ACAP1: variants seen among roughly 807,000 people sequenced by gnomAD.
ACAP1 encodes the protein arf-GAP with coiled-coil, ANK repeat and PH domain-containing protein 1.
In ACAP1, 45 loss-of-function variants were observed where a neutral mutation model predicts 98.8. That is an observed-to-expected ratio of 0.46 (90% CI 0.36 to 0.58). The LOEUF (loss-of-function observed/expected upper bound fraction) is 0.58. Ranked by LOEUF, ACAP1 falls within the 20% of genes least tolerant of loss-of-function variation. ACAP1 has a pLI of 0.00. For missense variants in ACAP1, 735 were observed against 971.4 expected (o/e 0.76, Z 3.24); for synonymous variants, 362 against 375.3 (o/e 0.96, Z 0.41).
Position 7,343,335 on chromosome 17 carries a change from A to T in ACAP1, c.345-44A>T. ...TACCCTGGGAATGCTCTGCTGGGGC[A>T]GGTGGGTGTTAGCTGCGATTCTGTG... On this transcript the variant is annotated intron_variant, in intron 5 of 21. Transcript: ENST00000158762. This position sits in a 1 kb window ranked among gnomAD's most constrained non-coding sequence, Gnocchi z 4.9. 6 of 1,570,612 alleles carry T rather than the reference A, an allele frequency of 3.8e-6. No homozygotes were observed. The highest frequency in any genetic ancestry group is 5.2e-6 in the Non-Finnish European group (6 of 1,152,750).
Position 7,343,728 on chromosome 17 carries a change from G to A in ACAP1, c.551G>A (p.Arg184Lys), listed in dbSNP as rs2143016885. The change falls in exon 7 of 22, where the codon AGG becomes AAG. Residue 184 changes from arginine to lysine, a missense_variant. Arg to Lys is a conservative substitution (Grantham distance 26). This residue lies in a region of ACAP1 where 430 missense variants were observed against 531.8 expected (regional missense o/e 0.81). Transcript: ENST00000158762. This position sits in a 1 kb window ranked among gnomAD's most constrained non-coding sequence, Gnocchi z 4.9. ...CAGATCAACGTGATTGAGGACAAGAGGAAGTTTGACATCATGGAGTTTGTG... is the reference window on the plus strand; with the variant it reads ...CAGATCAACGTGATTGAGGACAAGAAGAAGTTTGACATCATGGAGTTTGTG... Reference protein sequence around the residue: ...ALQINVIEDKRKFDIMEFVLR... With the variant: ...ALQINVIEDKKKFDIMEFVLR... The A allele has an allele frequency of 6.2e-7, 1 of 1,614,150 alleles. No homozygotes were observed. Among genetic ancestry groups the A allele is most frequent in the Non-Finnish European group, 8.5e-7 (1 of 1,180,030 alleles).
intron 2 of ACAP1, among the ~76,000 whole-genome samples, 197 bp downstream of exon 2, chr17:7,337,566 C>T (rs1173379208): frequency 3.3e-5 from 5 of 152,142 alleles, no homozygotes; most frequent in Non-Finnish European, 4.4e-5. Flanking sequence ...ACAAGACTTA[C>T]TTTTGGGCCA....
At position 7,341,865 on chromosome 17, in the gene ACAP1, G is replaced by A. The variant is rs1390697348; in HGVS notation, c.112-83G>A. The A allele has an allele frequency of 4.4e-6, 7 of 1,585,076 alleles. No individual in the cohort carries two copies. In the Admixed American group the frequency reaches 1.2e-4, roughly 27 times the overall value. The stretch of plus-strand genomic sequence containing the variant: ...TAGGGGAGCGCCGCCCTGGGCAAGG[G>A]GAGAGGAAGTGGGGCAGGTGTGGGG... On this transcript the variant is annotated intron_variant, in intron 2 of 21. Coordinates refer to ENST00000158762, the MANE Select transcript of ACAP1 (RefSeq NM_014716.4).
Position 7,350,174 on chromosome 17 carries a change from ACT to A in ACAP1, c.2012_2013del (p.Ser671Ter). On this transcript the variant is annotated frameshift_variant, in exon 20 of 22. Coordinates refer to ENST00000158762, the MANE Select transcript of ACAP1 (RefSeq NM_014716.4). LOFTEE classifies it high-confidence loss of function. The surrounding 1 kb of genome is among the most constrained non-coding windows in gnomAD (Gnocchi z 4.6). The stretch of plus-strand genomic sequence containing the variant: ...CGGGGAGCTGATCTGGGGGCTCGAG[ACT>A]CTGAAGGCAGGGACCCTCTGACCAT... 6.2e-7 allele frequency: 1 copy of A among 1,613,928 alleles called. No individual in the cohort carries two copies. The highest frequency in any genetic ancestry group is 8.5e-7 in the Non-Finnish European group (1 of 1,179,962).
intron 2 of ACAP1, 100 bp from the exon 3 acceptor site, chr17:7,341,848 C>A: frequency 6.5e-7 from 1 of 1,547,606 alleles, no homozygotes; most frequent in Non-Finnish European, 8.8e-7. Flanking sequence ...AATAGGGGAG[C>A]GCCGCCCTGG....
Position 7,337,377 on chromosome 17 carries a change from T to G in ACAP1, c.111+8T>G. On this transcript the variant is annotated splice_region_variant and intron_variant, in intron 2 of 21. Coordinates refer to ENST00000158762, the MANE Select transcript of ACAP1 (RefSeq NM_014716.4). ...GAGACCCGTCTGGAAAAGGTGACCC[T>G]GACATGGAGAGGTGACCCAGGAGTG... 1 of 1,613,866 alleles carries G rather than the reference T, an allele frequency of 6.2e-7. No individual in the cohort carries two copies. Among genetic ancestry groups the G allele is most frequent in the South Asian group, 1.1e-5 (1 of 91,090 alleles).
rs777783220 is a variant in ACAP1 at position 7,348,956 on chromosome 17, G to T, written c.1679-39G>T. The stretch of plus-strand genomic sequence containing the variant: ...GCTGAGGGTTTTCTTCCCAGACTCG[G>T]AGCTGCTTCCCCCTAACAGAACCAA... On this transcript the variant is annotated intron_variant, in intron 17 of 21. Transcript: ENST00000158762. 2.5e-6 allele frequency: 4 copies of T among 1,593,012 alleles called. No homozygotes were observed. The African/African-American group carries it at 4.0e-5, about 16-fold the overall frequency.
rs372276236 is a variant in ACAP1, at chr17:7,348,339, C to T, written c.1542C>T (p.Tyr514=). 223 of 1,574,690 alleles carry T rather than the reference C, an allele frequency of 1.4e-4. No individual in the cohort carries two copies. Among genetic ancestry groups the T allele is most frequent in the Non-Finnish European group, 1.8e-4 (214 of 1,159,444 alleles). Reference sequence around the variant, plus strand: ...AGGAGGCCTGGATTCACGCTAAATACGTGGAGAAGAAGTTCCTGACCAAGC... The same window carrying T: ...AGGAGGCCTGGATTCACGCTAAATATGTGGAGAAGAAGTTCCTGACCAAGC... The part of the protein sequence containing the change: ...QEKEAWIHAK[Y]VEKKFLTKLP... The change falls in exon 17 of 22, where the codon TAC becomes TAT. Residue 514 remains tyrosine, a synonymous_variant. Coordinates refer to ENST00000158762, the MANE Select transcript of ACAP1 (RefSeq NM_014716.4).
rs1776601541 is a variant in ACAP1 at position 7,344,178 on chromosome 17, G to A, written c.744+55G>A. 6.5e-7 allele frequency: 1 copy of A among 1,529,852 alleles called. No homozygotes were observed. Among genetic ancestry groups the A allele is most frequent in the Non-Finnish European group, 8.9e-7 (1 of 1,127,954 alleles). The allele number at this position is 1,529,852 out of a possible 1,614,324, so 94.8% of individuals were successfully genotyped here. A position where few individuals can be genotyped will look rare whatever the true frequency, so the allele number is the denominator to read the frequency against. On this transcript the variant is annotated intron_variant, in intron 9 of 21. Transcript: ENST00000158762. This position sits in a 1 kb window ranked among gnomAD's most constrained non-coding sequence, Gnocchi z 4.9. Reference sequence around the variant, plus strand: ...CGTCATCCCAACATGTTGGGAGGCTGAGGTGGGAAGATTGCTTGAGGCCTG... The same window carrying A: ...CGTCATCCCAACATGTTGGGAGGCTAAGGTGGGAAGATTGCTTGAGGCCTG...
intron 2 of ACAP1, among the ~76,000 whole-genome samples, chr17:7,338,708 T>A (rs1006495170): frequency 2.0e-5 from 3 of 151,856 alleles, no homozygotes; most frequent in Non-Finnish European, 4.4e-5. Context: ...CTGGCTTTTT[T>A]AAATTTAAAT....
intron 2 of ACAP1, among the ~76,000 whole-genome samples, chr17:7,337,913 C>A (rs1158114521): frequency 1.3e-5 from 2 of 152,104 alleles, no homozygotes; most frequent in East Asian, 3.9e-4. Flanking sequence ...CTGCATTGTG[C>A]CAGGCCCTGG....
chr17:7,347,017 CCT>C lies in ACAP1; in HGVS notation c.1132-8_1132-7del, dbSNP rs1567630828. The C allele has an allele frequency of 3.8e-6, 6 of 1,570,846 alleles. No homozygotes were observed. The East Asian group carries it at 1.1e-4, about 30-fold the overall frequency. ...AGGCCCCTTGGCCACCCTTTCTTCC[CCT>C]CTCTCCCCCAGGGCTCAGGACACCT... is the stretch of plus-strand genomic sequence containing the variant. On this transcript the variant is annotated splice_polypyrimidine_tract_variant and intron_variant, in intron 13 of 21. Coordinates refer to ENST00000158762, the MANE Select transcript of ACAP1 (RefSeq NM_014716.4).
Position 7,349,156 on chromosome 17 carries a change from G to T in ACAP1, c.1840G>T (p.Ala614Ser), listed in dbSNP as rs1383759251. ...GQDNATPLIQ[A>S]TAANSLLACE... ...AGATAATGCCACACCGCTGATCCAG[G>T]CCACAGCTGCTGTAAGAGCCCTGCT... Residue 614 changes from alanine to serine, a missense_variant, in exon 18 of 22, where the codon GCC (alanine) becomes TCC (serine). Ala to Ser is a moderately conservative substitution (Grantham distance 99). Around this residue, in one of 5 missense-constraint regions of ACAP1, gnomAD observed 142 missense variants for 224.1 expected, o/e 0.63. Transcript: ENST00000158762. 29 of 1,613,886 alleles carry T rather than the reference G, an allele frequency of 1.8e-5. No individual in the cohort carries two copies. The highest frequency in any genetic ancestry group is 2.5e-5 in the Non-Finnish European group (29 of 1,179,958).
chr17:7,347,533 T>G lies in ACAP1; in HGVS notation c.1343+291T>G. ...AGGCTGCTGAGGGTGGGGGAGCCAG[T>G]GAAGACTAGGCAGAGAAACGGTCAT... On this transcript the variant is annotated intron_variant, in intron 14 of 21. Coordinates refer to ENST00000158762, the MANE Select transcript of ACAP1 (RefSeq NM_014716.4). 7 of 508,444 alleles carry G rather than the reference T, an allele frequency of 1.4e-5. No homozygotes were observed. In the South Asian group the frequency reaches 1.9e-4, roughly 14 times the overall value. 31.5% of individuals were successfully genotyped at this position (508,444 alleles called of 1,614,324 possible). A position where few individuals can be genotyped will look rare whatever the true frequency, so the allele number is the denominator to read the frequency against.
intron 16 of ACAP1, 38 bp from the exon 17 acceptor site, chr17:7,348,268 C>T (rs367860792): frequency 1.8e-5 from 29 of 1,609,426 alleles, no homozygotes; most frequent in Non-Finnish European, 2.3e-5. Context: ...ACCCCTGGAG[C>T]AGAAGAGGGA....
rs146209089 is a variant in ACAP1, at chr17:7,340,886, G to A, written c.112-1062G>A. 3.1e-3 allele frequency among the ~76,000 whole-genome samples: 471 copies of A among 152,178 alleles called. 1 individual carries two copies. Among genetic ancestry groups the A allele is most frequent in the Non-Finnish European group, 5.1e-3 (345 of 67,990 alleles). ...AAAAGAGATGGGGTTTCACTATGTT[G>A]GTCAGGCTGATATCCAACTCCTGAC... On this transcript the variant is annotated intron_variant, in intron 2 of 21. Transcript: ENST00000158762.
In ACAP1 at chr17:7,336,706, C is replaced by T. The variant is rs372269995; in HGVS notation, c.-29C>T. ...ATCCCCAGGGGCCCGGCCTCCAGGG[C>T]CCGCTGGCCCCACAGCAGGCAAGCT... On this transcript the variant is annotated 5_prime_UTR_variant, in exon 1 of 22. Transcript: ENST00000158762. The T allele has an allele frequency of 6.2e-7, 1 of 1,613,488 alleles. No homozygotes were observed. The highest frequency in any genetic ancestry group is 2.2e-5 in the East Asian group (1 of 44,852).
At chr17:7,338,218 A>G (rs1329175711) in intron 2 of ACAP1, among the ~76,000 whole-genome samples, 1 of 152,136 alleles carries the variant, frequency 6.6e-6, no homozygotes, top group Non-Finnish European at 1.5e-5. Flanking sequence ...TATGGGCAAC[A>G]TGGTGAGACC....
rs772007190 is a variant in ACAP1, at chr17:7,348,410, G to A, written c.1613G>A (p.Gly538Glu). 2.6e-6 allele frequency: 4 copies of A among 1,538,200 alleles called. No homozygotes were observed. Among genetic ancestry groups the A allele is most frequent in the Admixed American group, 4.2e-5 (2 of 47,228 alleles). The change falls in exon 17 of 22, where the codon GGG (glycine) becomes GAG (glutamate). Residue 538 changes from glycine to glutamate, a missense_variant. By Grantham distance (98) the Gly-to-Glu change is moderately conservative (BLOSUM62 -2). Transcript: ENST00000158762. ...AGAGGTGGCCGGGGGCGCCCAAGGG[G>A]GCAGCCTCCTGTGCCCCCAAAGCCT... ...GRRGGRGRPR[G>E]QPPVPPKPSI...
Sources: allele counts gnomAD v4.1 joint callset (sites outside exome capture counted in the v4.1 genomes callset), GRCh38; gene constraint gnomAD v4.1.1; regional missense constraint gnomAD v4.1.1; non-coding constraint Gnocchi (gnomAD v3.1); transcripts MANE v1.5; gene names NCBI Gene and HGNC (gene_info 2026-07-23, HGNC 2026-07-21).